Variants in ARMC12 observed in about 807,000 individuals in gnomAD.
The protein encoded by ARMC12 is armadillo repeat containing 12.
A neutral mutation model predicts 37.4 loss-of-function variants in ARMC12; 25 were observed. The ratio of observed to expected loss-of-function variants is 0.67; its 90% confidence interval spans 0.49 to 0.93. ARMC12 has a LOEUF of 0.93. ARMC12 is among the 40% of genes least tolerant of loss of function. The probability of loss-of-function intolerance (pLI) is 0.00; values close to 1 mark genes in which losing one functional copy is unlikely to be tolerated. For missense variants in ARMC12, 384 were observed against 426.6 expected, an observed-to-expected ratio of 0.90 and a Z score of 0.88; for synonymous variants, 167 against 176.1, an observed-to-expected ratio of 0.95 and a Z score of 0.41.
intron 2 of ARMC12, 59 bp downstream of exon 2, chr6:35,738,231 C>A: frequency 6.3e-7 from 1 of 1,574,918 alleles, no homozygotes; most frequent in Non-Finnish European, 8.6e-7. Flanking sequence ...ACGGCCGATC[C>A]CTGCCCCTGG....
chr6:35,731,986 G>A, the ARMC12 span, among the ~76,000 whole-genome samples: 1 of 152,134 alleles, frequency 6.6e-6, no homozygotes, highest in Non-Finnish European at 1.5e-5. Flanking sequence ...AAGAGAAAGT[G>A]AGAGCGGGGG....
At chr6:35,741,716 G>T (rs1767174478) in intron 3 of ARMC12, among the ~76,000 whole-genome samples, 1 of 152,006 alleles carries the variant, frequency 6.6e-6, no homozygotes, top group South Asian at 2.1e-4. Context: ...CACCATGCGT[G>T]GTCCACATTT....
At chr6:35,741,431 T>C (rs1767164604) in intron 3 of ARMC12, among the ~76,000 whole-genome samples, 1 of 151,794 alleles carries the variant, frequency 6.6e-6, no homozygotes, top group Non-Finnish European at 1.5e-5. Context: ...TTTTTTTTTT[T>C]TGAGACAGAG....
intron 3 of ARMC12, among the ~76,000 whole-genome samples, chr6:35,739,019 T>C (rs1029904156): frequency 6.6e-6 from 1 of 152,114 alleles, no homozygotes; most frequent in African/African-American, 2.4e-5. Flanking sequence ...CTCCCAGAAC[T>C]CAGGAAAGGA....
At position 35,748,951 on chromosome 6, in the gene ARMC12, G is replaced by C; in HGVS notation, c.*81G>C. The C allele has an allele frequency of 7.2e-7, 1 of 1,392,074 alleles. No homozygotes were observed. The highest frequency in any genetic ancestry group is 1.4e-5 in the South Asian group (1 of 70,206). 86.2% of individuals were successfully genotyped at this position (1,392,074 alleles called of 1,614,324 possible). A position where few individuals can be genotyped will look rare whatever the true frequency, so the allele number is the denominator to read the frequency against. On this transcript the variant is annotated 3_prime_UTR_variant, in exon 6 of 6. Transcript: ENST00000373866. ...TCGAATGTCTGTTGGTGGCCTTCCA[G>C]GGCTGGGTGGAGATTTCATTCAGCA... is the stretch of plus-strand genomic sequence containing the variant.
upstream of ARMC12, chr6:35,736,921 C>G (rs896218746): frequency 1.2e-6 from 1 of 841,762 alleles, no homozygotes; most frequent in Non-Finnish European, 1.8e-6. Context: ...CATCTGTTCT[C>G]GAGCACTCCT....
Position 35,738,526 on chromosome 6 carries a change from C to G in ARMC12, c.444+8C>G. On this transcript the variant is annotated splice_region_variant and intron_variant, in intron 3 of 5. Transcript: ENST00000373866. Reference sequence around the variant, plus strand: ...TTCAGGCTCAAAATCCAGGTGAGCCCAGGGATGCGTGGTGGGGCATGCAGG... The same window carrying G: ...TTCAGGCTCAAAATCCAGGTGAGCCGAGGGATGCGTGGTGGGGCATGCAGG... 1.9e-6 allele frequency: 3 copies of G among 1,613,864 alleles called. No homozygotes were observed. Among genetic ancestry groups the G allele is most frequent in the Non-Finnish European group, 2.5e-6 (3 of 1,179,952 alleles).
chr6:35,742,690 T>G (rs1166584793), intron 3 of ARMC12, among the ~76,000 whole-genome samples: 1 of 152,096 alleles, frequency 6.6e-6, no homozygotes, highest in African/African-American at 2.4e-5. Flanking sequence ...TTGATCTCAA[T>G]TTCCATCTAG....
At chr6:35,737,995 A>G in intron 1 of ARMC12, 32 bp from the exon 2 acceptor site, 2 of 1,609,540 alleles carry the variant, frequency 1.2e-6, no homozygotes, top group Non-Finnish European at 1.7e-6. Context: ...TTCTGAGTCC[A>G]CAGCCTGAAC....
At chr6:35,745,059 G>A (rs1168838730) in intron 3 of ARMC12, among the ~76,000 whole-genome samples, 2 of 152,184 alleles carry the variant, frequency 1.3e-5, no homozygotes, top group African/African-American at 4.8e-5. Flanking sequence ...CTGGAAAATA[G>A]TTTGGCAATT....
chr6:35,738,827 A>G (rs1466931785), intron 3 of ARMC12, among the ~76,000 whole-genome samples: 5 of 152,094 alleles, frequency 3.3e-5, no homozygotes, highest in Non-Finnish European at 5.9e-5. Context: ...TGGGTGTTCA[A>G]CAATTCAATT....
chr6:35,733,153 C>T (rs1766874293), upstream of ARMC12, among the ~76,000 whole-genome samples: 1 of 152,068 alleles, frequency 6.6e-6, no homozygotes, highest in Non-Finnish European at 1.5e-5. Flanking sequence ...GCCCGGGTGA[C>T]AGAGCCAGAC....
chr6:35,741,609 AG>A (rs1249177785), intron 3 of ARMC12, among the ~76,000 whole-genome samples: 3 of 152,044 alleles, frequency 2.0e-5, no homozygotes. Context: ...TAGTAAAGAC[AG>A]GGTTTCACCA....
intron 3 of ARMC12, among the ~76,000 whole-genome samples, chr6:35,743,384 TTTTTTG>T (rs1341374573): frequency 6.6e-6 from 1 of 152,094 alleles, no homozygotes; most frequent in Non-Finnish European, 1.5e-5. Flanking sequence ...GTTCCGCTGA[TTTTTTG>T]TTTTTGTAGT....
intron 3 of ARMC12, among the ~76,000 whole-genome samples, chr6:35,744,240 C>T (rs1317702041): frequency 1.2e-4 from 18 of 151,998 alleles, no homozygotes; most frequent in African/African-American, 4.3e-4. Flanking sequence ...CTCCCGGGTT[C>T]AAGCGATTCT....
At chr6:35,737,313 G>C in intron 1 of ARMC12, 42 bp downstream of exon 1, 1 of 1,614,226 alleles carries the variant, frequency 6.2e-7, no homozygotes, top group Non-Finnish European at 8.5e-7. Flanking sequence ...GCCCCAGGAG[G>C]CACCTGCTCC....
intron 3 of ARMC12, among the ~76,000 whole-genome samples, chr6:35,741,714 G>A (rs1456267391): frequency 6.6e-6 from 1 of 151,876 alleles, no homozygotes; most frequent in Non-Finnish European, 1.5e-5. Flanking sequence ...GCCACCATGC[G>A]TGGTCCACAT....
chr6:35,736,616 T>C (rs1172813438), upstream of ARMC12, among the ~76,000 whole-genome samples: 13 of 151,404 alleles, frequency 8.6e-5, no homozygotes, highest in East Asian at 2.5e-3. Context: ...CAGAACCTTC[T>C]CTTTTTTTTT....
chr6:35,747,526 G>C (rs2252881), intron 4 of ARMC12, 50 bp from the exon 5 acceptor site: 842,638 of 1,611,964 alleles, frequency 0.52, 225,161 homozygotes, highest in African/African-American at 0.81. Flanking sequence ...CTTCCTTGCT[G>C]AGGCCCAGAC....
Sources: gnomAD v4.1 joint callset for allele counts (sites outside exome capture counted in the v4.1 genomes callset) on GRCh38, gnomAD v4.1.1 for gene constraint, MANE v1.5 for transcripts, NCBI Gene and HGNC (gene_info 2026-07-23, HGNC 2026-07-21) for gene names.